GLI2: variants seen among roughly 807,000 people sequenced by gnomAD.
The protein encoded by GLI2 is transcription activator GLI2.
GLI2 carries 22 observed loss-of-function variants against 78.9 expected under a neutral mutation model. That is an observed-to-expected ratio of 0.28 (90% CI 0.20 to 0.40). GLI2 has a LOEUF of 0.40. Ranked by LOEUF, GLI2 falls within the 10% of genes least tolerant of loss-of-function variation. GLI2 has a pLI of 1.00. For missense variants in GLI2, 2,097 were observed against 2,213.2 expected (o/e 0.95, Z 1.05); for synonymous variants, 974 against 963.7 (o/e 1.01, Z -0.20).
chr2:120,752,511 C>T (rs183501334), intron 1 of GLI2, among the ~76,000 whole-genome samples: 6 of 152,184 alleles, frequency 3.9e-5, no homozygotes, highest in East Asian at 1.9e-4. Flanking sequence ...CCTCGTGATC[C>T]GCCCACCTCG....
chr2:120,814,794 G>A (rs373874110), intron 2 of GLI2, among the ~76,000 whole-genome samples: 7 of 42,610 alleles, frequency 1.6e-4, no homozygotes, highest in South Asian at 8.3e-4. Context: ...CCCACCCCCC[G>A]CCCCCGCTGC....
At chr2:120,791,360 A>G (rs1018538694) in intron 1 of GLI2, among the ~76,000 whole-genome samples, 8 of 152,038 alleles carry the variant, frequency 5.3e-5, no homozygotes, top group Admixed American at 4.6e-4. Context: ...CCCTGAGGTC[A>G]TTTTCCCAGT....
intron 1 of GLI2, among the ~76,000 whole-genome samples, chr2:120,788,837 G>A (rs1684067268): frequency 6.6e-6 from 1 of 152,052 alleles, no homozygotes; most frequent in South Asian, 2.1e-4. Flanking sequence ...CAACTTGCAG[G>A]CCCCTGGGCT....
At chr2:120,983,149 A>G (rs1266017214) in intron 11 of GLI2, among the ~76,000 whole-genome samples, 2 of 152,128 alleles carry the variant, frequency 1.3e-5, no homozygotes, top group East Asian at 1.9e-4. Flanking sequence ...CCTTATCTCC[A>G]TAATAAATAT....
intron 2 of GLI2, among the ~76,000 whole-genome samples, chr2:120,906,385 GA>G (rs1558872624): frequency 1.3e-5 from 2 of 152,160 alleles, no homozygotes; most frequent in Non-Finnish European, 1.5e-5. Flanking sequence ...AGGCAGGCTG[GA>G]AAGGAGTGGA....
intron 2 of GLI2, among the ~76,000 whole-genome samples, chr2:120,858,535 C>T (rs994879400): frequency 6.6e-6 from 1 of 152,200 alleles, no homozygotes; most frequent in African/African-American, 2.4e-5. Flanking sequence ...CTCTTGGCCA[C>T]CGGCCTGCTA....
At chr2:120,966,834 G>T (rs1681882407) in intron 5 of GLI2, among the ~76,000 whole-genome samples, 1 of 152,320 alleles carries the variant, frequency 6.6e-6, no homozygotes, top group Non-Finnish European at 1.5e-5. Flanking sequence ...CCTGCCCTCG[G>T]TGCTCCTGCA....
At chr2:120,968,645 C>G (rs556386001) in intron 5 of GLI2, 69 bp from the exon 6 acceptor site, 1 of 1,125,970 alleles carries the variant, frequency 8.9e-7, no homozygotes, top group African/African-American at 1.5e-5. Context: ...CTTCCTATCC[C>G]CCACCCACAT....
At chr2:120,918,597 C>A (rs1239718683) in intron 2 of GLI2, among the ~76,000 whole-genome samples, 1 of 152,110 alleles carries the variant, frequency 6.6e-6, no homozygotes, top group African/African-American at 2.4e-5. Flanking sequence ...TGCACCACCA[C>A]CCCTGGCTAA....
At chr2:120,837,431 G>C (rs973831252) in intron 2 of GLI2, among the ~76,000 whole-genome samples, 25 of 148,180 alleles carry the variant, frequency 1.7e-4, no homozygotes, top group African/African-American at 6.2e-4. Flanking sequence ...ATCTTGTTTA[G>C]ACATGTTATA....
chr2:120,766,952 G>T (rs1683382203), intron 1 of GLI2, among the ~76,000 whole-genome samples: 1 of 152,218 alleles, frequency 6.6e-6, no homozygotes, highest in Non-Finnish European at 1.5e-5. Context: ...GCTGGAGAGA[G>T]GCTGGGGAAA....
intron 1 of GLI2, among the ~76,000 whole-genome samples, chr2:120,787,201 A>T (rs1684021236): frequency 1.3e-5 from 2 of 152,140 alleles, no homozygotes; most frequent in African/African-American, 4.8e-5. Flanking sequence ...CAGGCAGAGG[A>T]ACCGCGTGAT....
At chr2:120,968,115 T>C (rs895268184) in intron 5 of GLI2, among the ~76,000 whole-genome samples, 3 of 152,114 alleles carry the variant, frequency 2.0e-5, no homozygotes, top group East Asian at 1.9e-4. Context: ...CCACACACAA[T>C]AGCATGGAGA....
chr2:120,967,015 G>A (rs914629998), intron 5 of GLI2, among the ~76,000 whole-genome samples: 2 of 152,242 alleles, frequency 1.3e-5, no homozygotes, highest in Admixed American at 6.5e-5. Context: ...TGGAGGAGGG[G>A]GCACCCAGGA....
intron 1 of GLI2, 138 bp downstream of exon 1, chr2:120,736,423 G>C (rs1682353786): frequency 6.6e-6 from 1 of 152,198 alleles, no homozygotes; most frequent in African/African-American, 2.4e-5. Flanking sequence ...CCTTGGGATC[G>C]GGGCCCTGGG....
At chr2:120,886,860 A>G (rs549627384) in intron 2 of GLI2, among the ~76,000 whole-genome samples, 1 of 152,336 alleles carries the variant, frequency 6.6e-6, no homozygotes, top group East Asian at 1.9e-4. Flanking sequence ...CCCAGGAGCA[A>G]GCACAAGGTG....
chr2:120,962,372 T>C (rs2121435), intron 5 of GLI2, among the ~76,000 whole-genome samples: 122,037 of 152,218 alleles, frequency 0.8, 52,991 homozygotes, highest in East Asian at 1. Context: ...CTCTCCTACA[T>C]GGTGAGCTCC....
At chr2:120,758,742 G>A (rs759811021) in intron 1 of GLI2, among the ~76,000 whole-genome samples, 62 of 152,354 alleles carry the variant, frequency 4.1e-4, no homozygotes, top group South Asian at 2.7e-3. Context: ...GGTGAGGGCC[G>A]TGGGTGGGCC....
At chr2:120,815,078 G>T (rs1308999503) in intron 2 of GLI2, among the ~76,000 whole-genome samples, 1 of 152,142 alleles carries the variant, frequency 6.6e-6, no homozygotes, top group Non-Finnish European at 1.5e-5. Context: ...GGAGACCCCA[G>T]ACCCTGAGCC....
Sources: allele counts gnomAD v4.1 joint callset (sites outside exome capture counted in the v4.1 genomes callset), GRCh38; gene constraint gnomAD v4.1.1; transcripts MANE v1.5; gene names NCBI Gene and HGNC (gene_info 2026-07-23, HGNC 2026-07-21).